The following HSD17B12 variants were observed in gnomAD, a reference collection of about 807,000 sequenced individuals.
HSD17B12 encodes the protein hydroxysteroid 17-beta dehydrogenase 12.
In HSD17B12, 32 loss-of-function variants were observed where a neutral mutation model predicts 39.3. That is an observed-to-expected ratio of 0.81 (90% CI 0.61 to 1.09). The LOEUF (loss-of-function observed/expected upper bound fraction) is 1.09, where lower values mean the gene tolerates loss of function less well. HSD17B12 is among the 50% of genes least tolerant of loss of function. HSD17B12 has a pLI of 0.00. For missense variants in HSD17B12, 342 were observed against 382.9 expected (o/e 0.89, Z 0.89); for synonymous variants, 150 against 146.7 (o/e 1.02, Z -0.16).
chr11:43,614,293 T>C, the HSD17B12 span, among the ~76,000 whole-genome samples: 1 of 152,220 alleles, frequency 6.6e-6, no homozygotes, highest in African/African-American at 2.4e-5. Flanking sequence ...ATGACAAGTT[T>C]TTCTCTTTTC....
At chr11:43,676,363 G>A (rs1164780494), upstream of HSD17B12, among the ~76,000 whole-genome samples, 1 of 152,172 alleles carries the variant, frequency 6.6e-6, no homozygotes, top group Non-Finnish European at 1.5e-5. Flanking sequence ...CTAAGCAGAA[G>A]TTGAGCCTGG....
chr11:43,852,507 T>C (rs1951541572), intron 9 of HSD17B12: 2 of 152,022 alleles, frequency 1.3e-5, no homozygotes, highest in Non-Finnish European at 2.9e-5. Flanking sequence ...ACCTAATGCA[T>C]AGAAATGAGA....
chr11:43,561,806 A>G, the HSD17B12 span, among the ~76,000 whole-genome samples: 1 of 152,222 alleles, frequency 6.6e-6, no homozygotes, highest in Non-Finnish European at 1.5e-5. Context: ...AGACTGCTGC[A>G]GCGACAGTCC....
chr11:43,600,961 C>T, the HSD17B12 span, among the ~76,000 whole-genome samples: 2 of 151,674 alleles, frequency 1.3e-5, no homozygotes, highest in African/African-American at 4.8e-5. Context: ...TCACTTTATC[C>T]CCCAGGTCTA....
chr11:43,754,075 T>C lies in HSD17B12; in HGVS notation c.237T>C (p.Leu79=), dbSNP rs1565075737. 1 of 1,612,684 alleles carries C rather than the reference T, an allele frequency of 6.2e-7. No individual in the cohort carries two copies. Among genetic ancestry groups the C allele is most frequent in the Non-Finnish European group, 8.5e-7 (1 of 1,179,132 alleles). Residue 79 remains leucine, a synonymous_variant, in exon 3 of 11, where the codon CTT becomes CTC. Transcript: ENST00000278353. Reference sequence around the variant, plus strand: ...CAAAGCATGGAATGAAGGTTGTCCTTATCAGCAGATCAAAGGATAAACTTG... The same window carrying C: ...CAAAGCATGGAATGAAGGTTGTCCTCATCAGCAGATCAAAGGATAAACTTG... ...ELAKHGMKVV[L]ISRSKDKLDQ...
chr11:43,677,609 A>C (rs773432138), upstream of HSD17B12, among the ~76,000 whole-genome samples: 1 of 147,350 alleles, frequency 6.8e-6, no homozygotes, highest in Non-Finnish European at 1.5e-5. Context: ...CCACCCCATG[A>C]CAGGCCCCAG....
At chr11:43,685,975 C>T (rs1949794308) in intron 1 of HSD17B12, among the ~76,000 whole-genome samples, 1 of 152,168 alleles carries the variant, frequency 6.6e-6, no homozygotes, top group African/African-American at 2.4e-5. Flanking sequence ...AGATTTGCAA[C>T]CATAAATCTT....
intron 9 of HSD17B12, among the ~76,000 whole-genome samples, chr11:43,841,381 A>G (rs975235621): frequency 2.0e-5 from 3 of 152,176 alleles, no homozygotes; most frequent in African/African-American, 7.2e-5. Context: ...TATTCACAAA[A>G]GTTTTTAATT....
chr11:43,718,849 C>A, intron 1 of HSD17B12: 1 of 869,908 alleles, frequency 1.1e-6, no homozygotes, highest in Non-Finnish European at 1.9e-6. Context: ...GGAAGCAGCC[C>A]AAATATCCTC....
chr11:43,817,104 A>T (rs2863026), intron 6 of HSD17B12, among the ~76,000 whole-genome samples: 1 of 147,988 alleles, frequency 6.8e-6, no homozygotes, highest in African/African-American at 2.5e-5. Context: ...GTGATGCTGA[A>T]CATTTTTTCA....
chr11:43,789,841 A>T (rs1469114866), intron 3 of HSD17B12, among the ~76,000 whole-genome samples: 2 of 152,064 alleles, frequency 1.3e-5, no homozygotes, highest in Non-Finnish European at 2.9e-5. Context: ...CTGAGATGGG[A>T]GGATCTCTTG....
chr11:43,759,734 T>C (rs1338589935), intron 3 of HSD17B12, among the ~76,000 whole-genome samples: 1 of 151,572 alleles, frequency 6.6e-6, no homozygotes, highest in East Asian at 1.9e-4. Flanking sequence ...TTCTTTTCTT[T>C]TTTTCTTTTT....
intron 1 of HSD17B12, among the ~76,000 whole-genome samples, chr11:43,740,636 T>C (rs1950355788): frequency 1.3e-5 from 2 of 152,210 alleles, no homozygotes; most frequent in Non-Finnish European, 2.9e-5. Context: ...AAGAGACTAC[T>C]GCAGCTACAG....
chr11:43,625,127 G>T, the HSD17B12 span, among the ~76,000 whole-genome samples: 1 of 151,632 alleles, frequency 6.6e-6, no homozygotes, highest in Non-Finnish European at 1.5e-5. Flanking sequence ...ACATGAAATG[G>T]CTGTTTTATG....
At chr11:43,598,947 C>T in the HSD17B12 span, among the ~76,000 whole-genome samples, 10 of 152,278 alleles carry the variant, frequency 6.6e-5, no homozygotes, top group Admixed American at 5.2e-4. Context: ...GGACCCTAAA[C>T]CAGACATTTA....
the HSD17B12 span, among the ~76,000 whole-genome samples, chr11:43,648,787 G>A: frequency 6.6e-6 from 1 of 152,142 alleles, no homozygotes; most frequent in African/African-American, 2.4e-5. Context: ...GAGTGCAGTG[G>A]TGTGATTGAT....
the HSD17B12 span, among the ~76,000 whole-genome samples, chr11:43,619,239 ATAT>A: frequency 6.4e-4 from 14 of 21,740 alleles, no homozygotes; most frequent in South Asian, 2.2e-3. Flanking sequence ...ATATATATAT[ATAT>A]AAAATATATA....
chr11:43,800,714 A>G (rs1405559468), intron 4 of HSD17B12, among the ~76,000 whole-genome samples: 1 of 152,212 alleles, frequency 6.6e-6, no homozygotes, highest in Non-Finnish European at 1.5e-5. Context: ...CCCAGGCCTC[A>G]TACACTAATG....
At chr11:43,613,280 T>C in the HSD17B12 span, among the ~76,000 whole-genome samples, 8 of 152,012 alleles carry the variant, frequency 5.3e-5, no homozygotes, top group African/African-American at 1.9e-4. Context: ...TAATCTCAGC[T>C]ACTCGGGAGG....
Sources: allele counts gnomAD v4.1 joint callset (sites outside exome capture counted in the v4.1 genomes callset), GRCh38; gene constraint gnomAD v4.1.1; transcripts MANE v1.5; gene names NCBI Gene and HGNC (gene_info 2026-07-23, HGNC 2026-07-21).